The following CAMK2G variants were observed in gnomAD, a reference collection of about 807,000 sequenced individuals.
CAMK2G encodes calcium/calmodulin dependent protein kinase II gamma, also known as calcium/calmodulin-dependent protein kinase type II subunit gamma.
A neutral mutation model predicts 88.7 loss-of-function variants in CAMK2G; 23 were observed. The ratio of observed to expected loss-of-function variants is 0.26; its 90% CI spans 0.19 to 0.37. The LOEUF (loss-of-function observed/expected upper bound fraction) is 0.37, where lower values mean the gene tolerates loss of function less well. Among genes scored for constraint, CAMK2G ranks in the 10% least tolerant of loss-of-function variants. The pLI is 1.00. For missense variants in CAMK2G, 476 were observed against 780.8 expected (o/e 0.61, Z 4.65); for synonymous variants, 263 against 294.8 (o/e 0.89, Z 1.11).
chr10:73,852,181 C>A (rs914254416), intron 5 of CAMK2G, 73 bp downstream of exon 5: 1 of 1,103,758 alleles, frequency 9.1e-7, no homozygotes, highest in Non-Finnish European at 1.4e-6. Context: ...AATGCTGGAC[C>A]CCGAAGGTGG....
In CAMK2G at chr10:73,842,353, G is replaced by C; in HGVS notation, c.903+105C>G. 8.7e-7 allele frequency: 1 copy of C among 1,155,200 alleles called. No homozygotes were observed. Among genetic ancestry groups the C allele is most frequent in the Non-Finnish European group, 1.3e-6 (1 of 763,360 alleles). The allele number at this position is 1,155,200 out of a possible 1,614,324, so 71.6% of individuals were successfully genotyped here. A position where few individuals can be genotyped will look rare whatever the true frequency, so the allele number is the denominator to read the frequency against. ...CCCTGTGACATGTACAACCTTCAGA[G>C]CCCAGCTCCAGCCAGGAGGGGAGCT... On this transcript the variant is annotated intron_variant, in intron 11 of 22. Transcript: ENST00000423381. The surrounding 1 kb of genome is among the most constrained non-coding windows in gnomAD (Gnocchi z 4.6).
chr10:73,853,603 T>C (rs1331090268), intron 3 of CAMK2G, among the ~76,000 whole-genome samples: 6 of 152,226 alleles, frequency 3.9e-5, no homozygotes, highest in South Asian at 2.1e-4. Context: ...CCTAGCAATG[T>C]TGACGGCAGG....
chr10:73,843,344 G>T (rs1000505613), intron 10 of CAMK2G, among the ~76,000 whole-genome samples: 1 of 152,178 alleles, frequency 6.6e-6, no homozygotes, highest in African/African-American at 2.4e-5. Flanking sequence ...GGGATAACAG[G>T]TGTGAGCCAC....
chr10:73,842,105 G>T lies in CAMK2G; in HGVS notation c.946+64C>A. 7.5e-7 allele frequency: 1 copy of T among 1,326,084 alleles called. No homozygotes were observed. Among genetic ancestry groups the T allele is most frequent in the South Asian group, 1.2e-5 (1 of 85,512 alleles). 82.1% of individuals were successfully genotyped at this position (1,326,084 alleles called of 1,614,324 possible). A position where few individuals can be genotyped will look rare whatever the true frequency, so the allele number is the denominator to read the frequency against. On this transcript the variant is annotated intron_variant, in intron 12 of 22. Transcript: ENST00000423381. This position sits in a 1 kb window ranked among gnomAD's most constrained non-coding sequence, Gnocchi z 4.6. Reference sequence around the variant, plus strand: ...AGGAAACCCAGCGGTGCCCGGGATGGCAACAGCCCATTCCTGATCCACTCA... The same window carrying T: ...AGGAAACCCAGCGGTGCCCGGGATGTCAACAGCCCATTCCTGATCCACTCA...
chr10:73,851,187 C>T (rs1293503233), intron 5 of CAMK2G, among the ~76,000 whole-genome samples: 2 of 152,328 alleles, frequency 1.3e-5, no homozygotes, highest in East Asian at 3.9e-4. Context: ...AGCTGCACTC[C>T]CCCACTCTCC....
chr10:73,849,413 A>G, intron 5 of CAMK2G, 80 bp from the exon 6 acceptor site: 1 of 990,364 alleles, frequency 1.0e-6, no homozygotes, highest in Non-Finnish European at 1.6e-6. Flanking sequence ...GCTGCAGACT[A>G]AGGCATGTGA....
At chr10:73,816,291 T>G in intron 21 of CAMK2G, 1 of 989,804 alleles carries the variant, frequency 1.0e-6, no homozygotes, top group Non-Finnish European at 1.2e-6. Context: ...CAACTTCCGA[T>G]CTCGCAAATC....
chr10:73,864,255 T>C (rs1317758526), intron 2 of CAMK2G, among the ~76,000 whole-genome samples: 5 of 151,824 alleles, frequency 3.3e-5, no homozygotes, highest in African/African-American at 4.8e-5. Context: ...TGAGCCAAGA[T>C]TGGGCCACTA....
intron 2 of CAMK2G, 22 bp from the exon 3 acceptor site, chr10:73,860,911 C>T: frequency 6.3e-7 from 1 of 1,584,810 alleles, no homozygotes; most frequent in Non-Finnish European, 8.7e-7. Flanking sequence ...AGAGAAAAAA[C>T]AAAAGCCATC....
At chr10:73,862,610 T>G (rs938403493) in intron 2 of CAMK2G, among the ~76,000 whole-genome samples, 2 of 152,162 alleles carry the variant, frequency 1.3e-5, no homozygotes, top group Non-Finnish European at 2.9e-5. Context: ...TTTAAAAAGA[T>G]AGAGTAATCT....
chr10:73,816,992 A>G, intron 21 of CAMK2G, 31 bp downstream of exon 21: 1 of 1,614,116 alleles, frequency 6.2e-7, no homozygotes, highest in Non-Finnish European at 8.5e-7. Flanking sequence ...AGGGGCAGGC[A>G]GGAGTATATC....
intron 2 of CAMK2G, among the ~76,000 whole-genome samples, chr10:73,865,976 C>T (rs1279533851): frequency 6.6e-6 from 1 of 152,118 alleles, no homozygotes; most frequent in Non-Finnish European, 1.5e-5. Flanking sequence ...CCACCCCTGC[C>T]GGCCTTCAGC....
chr10:73,819,464 G>T, intron 19 of CAMK2G, 68 bp downstream of exon 19: 1 of 1,093,458 alleles, frequency 9.1e-7, no homozygotes, highest in Non-Finnish European at 1.4e-6. Context: ...AGCTGTGGTG[G>T]GGGTCCCTGA....
chr10:73,834,079 C>T (rs553959524), intron 14 of CAMK2G, among the ~76,000 whole-genome samples: 87 of 151,920 alleles, frequency 5.7e-4, no homozygotes, highest in Admixed American at 2.9e-3. Context: ...CCACCACGCC[C>T]GGCTAATTTT....
intron 14 of CAMK2G, among the ~76,000 whole-genome samples, chr10:73,836,731 C>T (rs2093280637): frequency 1.3e-5 from 2 of 152,174 alleles, no homozygotes; most frequent in Non-Finnish European, 2.9e-5. Context: ...TACCCAATGC[C>T]CTAGCCCCAG....
intron 16 of CAMK2G, among the ~76,000 whole-genome samples, 169 bp downstream of exon 16, chr10:73,825,110 G>A (rs1441973322): frequency 6.6e-6 from 1 of 152,158 alleles, no homozygotes; most frequent in Non-Finnish European, 1.5e-5. Flanking sequence ...GCGGCCAGGC[G>A]GGACAATGAA....
intron 2 of CAMK2G, among the ~76,000 whole-genome samples, chr10:73,868,947 C>T (rs1030183249): frequency 7.9e-5 from 12 of 152,228 alleles, no homozygotes; most frequent in Non-Finnish European, 4.4e-5. Flanking sequence ...GACACAGACA[C>T]CCCAATCCCG....
At chr10:73,830,081 A>G (rs2092163446) in intron 14 of CAMK2G, among the ~76,000 whole-genome samples, 1 of 152,208 alleles carries the variant, frequency 6.6e-6, no homozygotes, top group Non-Finnish European at 1.5e-5. Context: ...ATAAGTTCTC[A>G]GCCTTCTCCT....
intron 10 of CAMK2G, 142 bp downstream of exon 10, chr10:73,847,083 C>T (rs2094302453): frequency 1.3e-6 from 1 of 788,384 alleles, no homozygotes; most frequent in Non-Finnish European, 2.1e-6. Flanking sequence ...TGACCCTGGC[C>T]CTCAACAGTC....
Sources: allele counts gnomAD v4.1 joint callset (sites outside exome capture counted in the v4.1 genomes callset), GRCh38; gene constraint gnomAD v4.1.1; non-coding constraint Gnocchi (gnomAD v3.1); transcripts MANE v1.5; gene names NCBI Gene and HGNC (gene_info 2026-07-23, HGNC 2026-07-21).